The following CCDC18 variants were observed in gnomAD, a reference collection of about 807,000 sequenced individuals.
CCDC18 encodes coiled-coil domain containing 18.
Under a neutral mutation model 196.0 loss-of-function variants are expected in CCDC18, and 157 were observed. The observed-to-expected ratio is 0.80, with a 90% CI of 0.70 to 0.91. The LOEUF is 0.91. Ranked by LOEUF, CCDC18 falls within the 40% of genes least tolerant of loss-of-function variation. The probability of loss-of-function intolerance (pLI) is 0.00; values close to 1 mark genes in which losing one functional copy is unlikely to be tolerated. For missense variants in CCDC18, 1,465 were observed against 1,611.6 expected (o/e 0.91, Z 1.56); for synonymous variants, 482 against 529.2 (o/e 0.91, Z 1.22).
chr1:93,254,571 A>G lies in CCDC18; in HGVS notation c.3299A>G (p.Lys1100Arg). 1 of 1,610,620 alleles carries G rather than the reference A, an allele frequency of 6.2e-7. No individual in the cohort carries two copies. The highest frequency in any genetic ancestry group is 8.5e-7 in the Non-Finnish European group (1 of 1,178,654). ...GAACAGGAGATAAGTCAACTGAAAA[A>G]AGAAATTGAAAGAACACAACAAAGG... ...QNEQEISQLK[K>R]EIERTQQRMK... is the part of the protein sequence containing the mutation. Residue 1100 changes from lysine to arginine, a missense_variant, in exon 24 of 29, where the codon AAA becomes AGA. Lys to Arg is a conservative substitution (Grantham distance 26). Coordinates refer to ENST00000690025, the MANE Select transcript of CCDC18 (RefSeq NM_001378204.1).
chr1:93,273,133 A>G (rs961533898), intron 28 of CCDC18, among the ~76,000 whole-genome samples: 2 of 152,016 alleles, frequency 1.3e-5, no homozygotes, highest in African/African-American at 4.8e-5. Flanking sequence ...CAGTGGCGCA[A>G]TCTTGGCTCA....
chr1:93,216,589 C>A, intron 12 of CCDC18, 47 bp from the exon 13 acceptor site: 2 of 981,790 alleles, frequency 2.0e-6, no homozygotes, highest in Middle Eastern at 3.2e-4. Flanking sequence ...AATGCAAAAT[C>A]ATTACCTTTA....
chr1:93,226,302 T>TC, intron 16 of CCDC18, 31 bp from the exon 17 acceptor site: 1 of 901,276 alleles, frequency 1.1e-6, no homozygotes, highest in Non-Finnish European at 1.7e-6. Context: ...TTTTGTGTTT[T>TC]TTTTTTTTTT....
At chr1:93,224,826 C>T (rs1658032395) in intron 16 of CCDC18, among the ~76,000 whole-genome samples, 1 of 152,188 alleles carries the variant, frequency 6.6e-6, no homozygotes, top group Non-Finnish European at 1.5e-5. Flanking sequence ...CTGACAGAAT[C>T]ATAGGTTTTA....
chr1:93,207,402 A>C lies in CCDC18; in HGVS notation c.1209+4A>C. The C allele has an allele frequency of 1.3e-6, 2 of 1,557,402 alleles. No individual in the cohort carries two copies. The highest frequency in any genetic ancestry group is 1.7e-6 in the Non-Finnish European group (2 of 1,150,618). The stretch of plus-strand genomic sequence containing the variant: ...AAAGATTATATCCCAGTTGCCAGTA[A>C]GTATGTGTGATTACGTAATGGAAAA... On this transcript the variant is annotated splice_donor_region_variant and intron_variant, in intron 9 of 28. Coordinates refer to ENST00000690025, the MANE Select transcript of CCDC18 (RefSeq NM_001378204.1).
chr1:93,232,314 G>T, intron 17 of CCDC18, 112 bp from the exon 18 acceptor site: 1 of 641,030 alleles, frequency 1.6e-6, no homozygotes. Flanking sequence ...GAATGCAATT[G>T]TCCCACATGA....
At chr1:93,185,445 A>G (rs1650479251) in intron 3 of CCDC18, among the ~76,000 whole-genome samples, 1 of 152,018 alleles carries the variant, frequency 6.6e-6, no homozygotes, top group African/African-American at 2.4e-5. Context: ...TAGTTCAAGT[A>G]TCCAGTAATA....
chr1:93,229,165 A>G (rs747368017), intron 17 of CCDC18, among the ~76,000 whole-genome samples: 11 of 152,252 alleles, frequency 7.2e-5, no homozygotes, highest in Non-Finnish European at 1.5e-4. Context: ...GTAATCAGGT[A>G]TATTTGACCA....
At chr1:93,182,380 A>C (rs1310543636) in intron 1 of CCDC18, among the ~76,000 whole-genome samples, 1 of 152,196 alleles carries the variant, frequency 6.6e-6, no homozygotes, top group Non-Finnish European at 1.5e-5. Flanking sequence ...CTCTAAGTAC[A>C]TTGCGGTCCT....
intron 18 of CCDC18, among the ~76,000 whole-genome samples, chr1:93,232,880 A>G (rs1270013038): frequency 6.6e-6 from 1 of 152,224 alleles, no homozygotes; most frequent in African/African-American, 2.4e-5. Flanking sequence ...CTGAGACACA[A>G]GAATTGCTTG....
chr1:93,266,514 T>C (rs913233467), intron 27 of CCDC18, among the ~76,000 whole-genome samples: 2 of 152,032 alleles, frequency 1.3e-5, no homozygotes, highest in Non-Finnish European at 2.9e-5. Context: ...AGCTGGTTTT[T>C]AGAAAAGATC....
At chr1:93,188,185 AG>A (rs1651048199) in intron 4 of CCDC18, among the ~76,000 whole-genome samples, 1 of 152,202 alleles carries the variant, frequency 6.6e-6, no homozygotes, top group African/African-American at 2.4e-5. Context: ...CACCTATTTC[AG>A]GCCATGTATG....
In CCDC18 at chr1:93,214,847, C is replaced by T. The variant is rs773453909; in HGVS notation, c.1600C>T (p.Gln534Ter). 4 of 1,613,450 alleles carry T rather than the reference C, an allele frequency of 2.5e-6. No individual in the cohort carries two copies. The highest frequency in any genetic ancestry group is 3.4e-6 in the Non-Finnish European group (4 of 1,179,564). The change falls in exon 12 of 29, where the codon CAA (glutamine) becomes TAA (stop). Residue 534 changes from glutamine (Q) to a stop codon, truncating the protein, a stop_gained. Transcript: ENST00000690025. LOFTEE classifies it high-confidence loss of function. ...AGAAGAACTACGTACTAAGCTGATA[C>T]AAATAGAAGCTGAAAATTCTGATTT... Reference protein sequence around the residue: ...GIEELRTKLIQIEAENSDLKV... With the variant: ...GIEELRTKLI
chr1:93,180,694 G>A (rs773001555), upstream of CCDC18: 2 of 1,353,044 alleles, frequency 1.5e-6, no homozygotes, highest in East Asian at 4.7e-5. Context: ...GGCAGTGACC[G>A]GGTAGGCGCG....
chr1:93,269,461 T>TAA (rs35716144), intron 27 of CCDC18, among the ~76,000 whole-genome samples: 7 of 126,584 alleles, frequency 5.5e-5, no homozygotes, highest in East Asian at 4.5e-4. Flanking sequence ...GATGAAGTAG[T>TAA]AAAAAAAAAA....
chr1:93,245,865 C>G (rs901036437), intron 21 of CCDC18, among the ~76,000 whole-genome samples: 1 of 152,070 alleles, frequency 6.6e-6, no homozygotes, highest in African/African-American at 2.4e-5. Flanking sequence ...CTTAAATTAT[C>G]TGTAATACCA....
upstream of CCDC18, chr1:93,180,649 T>G: frequency 7.5e-7 from 1 of 1,329,814 alleles, no homozygotes; most frequent in Non-Finnish European, 9.9e-7. Flanking sequence ...GCCCCGCGCC[T>G]TCGGCGGCGC....
chr1:93,232,517 A>G lies in CCDC18; in HGVS notation c.2384A>G (p.Gln795Arg). 6.2e-7 allele frequency: 1 copy of G among 1,613,242 alleles called. No homozygotes were observed. The highest frequency in any genetic ancestry group is 2.2e-5 in the East Asian group (1 of 44,848). ...GTTATTCTACAGCATACTCTTCAGC[A>G]ACAGCAGCAAATGTTACAACAAGAG... is the stretch of plus-strand genomic sequence containing the variant. ...QNVILQHTLQ[Q>R]QQQMLQQETI... Residue 795 changes from glutamine (Q) to arginine (R), a missense_variant, in exon 18 of 29, where the codon CAA becomes CGA. Transcript: ENST00000690025.
chr1:93,193,615 GAGAGGCAGAAAATAAGCTGGAAC>G lies in CCDC18; in HGVS notation c.574_596del (p.Ala192ProfsTer6). On this transcript the variant is annotated frameshift_variant and splice_region_variant, in exon 6 of 29. Coordinates refer to ENST00000690025, the MANE Select transcript of CCDC18 (RefSeq NM_001378204.1). LOFTEE classifies it high-confidence loss of function. ...TAAACAAAGTATCCTTTATTTTATA[GAGAGGCAGAAAATAAGCTGGAAC>G]AGAGCCAGAAAATGGTAATTGAAAA... 1 of 1,571,716 alleles carries G rather than the reference GAGAGGCAGAAAATAAGCTGGAAC, an allele frequency of 6.4e-7. No homozygotes were observed.
Sources: gnomAD v4.1 joint callset for allele counts (sites outside exome capture counted in the v4.1 genomes callset) on GRCh38, gnomAD v4.1.1 for gene constraint, MANE v1.5 for transcripts, NCBI Gene and HGNC (gene_info 2026-07-23, HGNC 2026-07-21) for gene names.